POU6F2: variants seen among roughly 807,000 people sequenced by gnomAD.
The protein encoded by POU6F2 is POU class 6 homeobox 2.
In POU6F2, 31 loss-of-function variants were observed where a neutral mutation model predicts 71.3. The observed-to-expected ratio is 0.43, with a 90% CI of 0.33 to 0.59. The LOEUF (loss-of-function observed/expected upper bound fraction) is 0.59. POU6F2 is among the 20% of genes least tolerant of loss of function. The pLI is 0.04. For missense variants in POU6F2, 783 were observed against 856.8 expected (o/e 0.91, Z 1.07); for synonymous variants, 347 against 355.7 (o/e 0.98, Z 0.27).
chr7:39,190,047 C>G (rs1793628566), intron 2 of POU6F2, among the ~76,000 whole-genome samples: 1 of 152,026 alleles, frequency 6.6e-6, no homozygotes, highest in African/African-American at 2.4e-5. Flanking sequence ...GCATGTGCCA[C>G]CATGCCTGAC....
chr7:39,240,765 A>C (rs992168309), intron 4 of POU6F2, among the ~76,000 whole-genome samples: 1 of 152,194 alleles, frequency 6.6e-6, no homozygotes, highest in Non-Finnish European at 1.5e-5. Flanking sequence ...TGATAAATAA[A>C]TACTAATGAA....
At chr7:39,226,635 C>T (rs1392999192) in intron 4 of POU6F2, among the ~76,000 whole-genome samples, 1 of 152,162 alleles carries the variant, frequency 6.6e-6, no homozygotes, top group African/African-American at 2.4e-5. Context: ...GTATGATTAA[C>T]ACCTCACCAA....
intron 5 of POU6F2, among the ~76,000 whole-genome samples, chr7:39,379,035 T>G (rs191137435): frequency 1.3e-5 from 2 of 152,282 alleles, no homozygotes; most frequent in East Asian, 3.9e-4. Flanking sequence ...GACAAGCAGA[T>G]GGATCCTCAA....
At chr7:38,996,177 T>A (rs1788734635) in intron 1 of POU6F2, among the ~76,000 whole-genome samples, 1 of 151,780 alleles carries the variant, frequency 6.6e-6, no homozygotes, top group Non-Finnish European at 1.5e-5. Flanking sequence ...GTAGCTAGGA[T>A]TACAGGTGGC....
At chr7:39,082,583 G>T (rs1196233099) in intron 1 of POU6F2, among the ~76,000 whole-genome samples, 1 of 152,032 alleles carries the variant, frequency 6.6e-6, no homozygotes, top group Admixed American at 6.6e-5. Flanking sequence ...CGACAGAAAG[G>T]ATTTCACAGA....
intron 5 of POU6F2, among the ~76,000 whole-genome samples, chr7:39,388,465 G>A (rs1170044284): frequency 6.6e-5 from 10 of 152,004 alleles, no homozygotes; most frequent in East Asian, 1.9e-4. Flanking sequence ...ACAGGCTCCC[G>A]CCACCACTCC....
chr7:39,461,254 C>T (rs1276749805), intron 9 of POU6F2, among the ~76,000 whole-genome samples: 1 of 152,246 alleles, frequency 6.6e-6, no homozygotes, highest in East Asian at 1.9e-4. Context: ...AGAAAAGAAG[C>T]GGTGGCTGCT....
At chr7:39,267,175 G>A (rs945503626) in intron 4 of POU6F2, among the ~76,000 whole-genome samples, 3 of 152,132 alleles carry the variant, frequency 2.0e-5, no homozygotes. Context: ...TTAAAAATAA[G>A]GGGTGAATAG....
chr7:39,296,415 T>TA lies in POU6F2; in HGVS notation c.599-43225dup, dbSNP rs563933505. ...ACATTTACCATGTATAGCATTTCAA[T>TA]AAGCTACCATCCCTTCTCCTCTTCC... is the stretch of plus-strand genomic sequence containing the variant. On this transcript the variant is annotated intron_variant, in intron 4 of 9. Coordinates refer to ENST00000518318, the MANE Select transcript of POU6F2 (RefSeq NM_001370959.1). Among the ~76,000 whole-genome samples the TA allele has an allele frequency of 4.9e-4, 75 of 152,358 alleles. 1 individual carries two copies. The South Asian group carries it at 0.016, about 32-fold the overall frequency.
At chr7:39,406,768 AT>A in intron 6 of POU6F2, 28 bp downstream of exon 6, 1 of 1,611,314 alleles carries the variant, frequency 6.2e-7, no homozygotes, top group Non-Finnish European at 8.5e-7. Flanking sequence ...ACAAGAGTGC[AT>A]TTTTATGGCA....
At chr7:39,126,364 T>G (rs1223536753) in intron 2 of POU6F2, among the ~76,000 whole-genome samples, 5 of 152,200 alleles carry the variant, frequency 3.3e-5, no homozygotes, top group African/African-American at 1.2e-4. Flanking sequence ...GAGAAGGGCA[T>G]GCAAATTTCA....
At chr7:39,271,506 A>G (rs2128756901) in intron 4 of POU6F2, among the ~76,000 whole-genome samples, 1 of 152,092 alleles carries the variant, frequency 6.6e-6, no homozygotes, top group African/African-American at 2.4e-5. Flanking sequence ...AAAAAAAAAA[A>G]AAAAAAACCC....
chr7:39,086,153 G>A (rs1791241345), intron 2 of POU6F2, 122 bp downstream of exon 2: 3 of 1,034,090 alleles, frequency 2.9e-6, no homozygotes, highest in African/African-American at 1.9e-5. Flanking sequence ...CTAAAAAGGA[G>A]CATCTTGGAG....
At chr7:39,131,457 T>A (rs1792277687) in intron 2 of POU6F2, among the ~76,000 whole-genome samples, 1 of 152,224 alleles carries the variant, frequency 6.6e-6, no homozygotes, top group African/African-American at 2.4e-5. Context: ...GGTGGCACGC[T>A]GCTGCTGGTC....
At chr7:39,233,942 G>T (rs1163842965) in intron 4 of POU6F2, among the ~76,000 whole-genome samples, 1 of 152,108 alleles carries the variant, frequency 6.6e-6, no homozygotes, top group Non-Finnish European at 1.5e-5. Context: ...GGTATTCGGC[G>T]CAGAGAAAGG....
chr7:39,329,366 T>C (rs1394811341), intron 4 of POU6F2, among the ~76,000 whole-genome samples: 2 of 151,890 alleles, frequency 1.3e-5, no homozygotes, highest in African/African-American at 4.8e-5. Flanking sequence ...ATTTGCTCCA[T>C]GGAAATTCAT....
At chr7:39,015,159 G>T (rs562903744) in intron 1 of POU6F2, among the ~76,000 whole-genome samples, 80 of 149,898 alleles carry the variant, frequency 5.3e-4, no homozygotes, top group African/African-American at 1.8e-3. Flanking sequence ...CTTATTCTTA[G>T]AATTTATTTC....
At chr7:39,075,078 C>G (rs538461284) in intron 1 of POU6F2, among the ~76,000 whole-genome samples, 1 of 152,036 alleles carries the variant, frequency 6.6e-6, no homozygotes, top group Non-Finnish European at 1.5e-5. Context: ...TGGGGCTGTT[C>G]GAGGTCGCAG....
chr7:39,129,796 G>T (rs1472562251), intron 2 of POU6F2, among the ~76,000 whole-genome samples: 2 of 152,078 alleles, frequency 1.3e-5, no homozygotes, highest in Non-Finnish European at 2.9e-5. Context: ...GGGCGCTGTG[G>T]CTCACGCCTG....
Sources: gnomAD v4.1 joint callset for allele counts (sites outside exome capture counted in the v4.1 genomes callset) on GRCh38, gnomAD v4.1.1 for gene constraint, MANE v1.5 for transcripts, NCBI Gene and HGNC (gene_info 2026-07-23, HGNC 2026-07-21) for gene names.